AGBL4: variants seen among roughly 807,000 people sequenced by gnomAD.
AGBL4 encodes cytosolic carboxypeptidase 6.
Under a neutral mutation model 66.4 loss-of-function variants are expected in AGBL4, and 58 were observed. That is an observed-to-expected ratio of 0.87 (90% CI 0.71 to 1.09). The LOEUF is 1.09. Among genes scored for constraint, AGBL4 ranks in the 50% least tolerant of loss-of-function variants. The probability of loss-of-function intolerance (pLI) is 0.00; values close to 1 mark genes in which losing one functional copy is unlikely to be tolerated. For missense variants in AGBL4, 579 were observed against 631.0 expected, an observed-to-expected ratio of 0.92 and a Z score of 0.88; for synonymous variants, 234 against 222.9, an observed-to-expected ratio of 1.05 and a Z score of -0.44.
At chr1:49,326,773 A>AAATACC (rs905219356) in intron 3 of AGBL4, among the ~76,000 whole-genome samples, 1 of 152,192 alleles carries the variant, frequency 6.6e-6, no homozygotes, top group Non-Finnish European at 1.5e-5. Flanking sequence ...TTACTGGAAA[A>AAATACC]AATACCACTG....
rs185166869 is a variant in AGBL4 at position 49,726,020 on chromosome 1, T to G, written c.158-28583A>C. Reference sequence around the variant, plus strand: ...AGAGTTTCAGATCTTAAGTGGCTTATAGTCTGAGGGCTGGTGGGGGTTGAG... The same window carrying G: ...AGAGTTTCAGATCTTAAGTGGCTTAGAGTCTGAGGGCTGGTGGGGGTTGAG... On this transcript the variant is annotated intron_variant, in intron 2 of 13. Coordinates refer to ENST00000371839, the MANE Select transcript of AGBL4 (RefSeq NM_032785.4). Among the ~76,000 whole-genome samples, 32 of 152,274 alleles carry G rather than the reference T, an allele frequency of 2.1e-4. No individual in the cohort carries two copies. In the East Asian group the frequency reaches 6.0e-3, roughly 28 times the overall value.
chr1:49,519,177 AC>A (rs1431465748), intron 3 of AGBL4, among the ~76,000 whole-genome samples: 1 of 151,982 alleles, frequency 6.6e-6, no homozygotes, highest in African/African-American at 2.4e-5. Context: ...AGAATACCAA[AC>A]CTGACTTATG....
intron 4 of AGBL4, among the ~76,000 whole-genome samples, chr1:49,137,008 A>G (rs1646025235): frequency 6.6e-6 from 1 of 152,190 alleles, no homozygotes; most frequent in Non-Finnish European, 1.5e-5. Flanking sequence ...TCGTAACATA[A>G]GAAGCAGAGA....
intron 11 of AGBL4, among the ~76,000 whole-genome samples, chr1:48,556,563 G>C (rs933704009): frequency 1.3e-5 from 2 of 152,118 alleles, no homozygotes; most frequent in Admixed American, 1.3e-4. Context: ...TGCCCAAAAG[G>C]CTGTTCCAAA....
chr1:49,016,758 T>G (rs193108308), intron 5 of AGBL4, among the ~76,000 whole-genome samples: 1 of 152,350 alleles, frequency 6.6e-6, no homozygotes, highest in African/African-American at 2.4e-5. Flanking sequence ...CAGCTGTTAC[T>G]ACCAGGCTCA....
chr1:48,690,103 C>CCAT (rs1646605693), intron 6 of AGBL4, among the ~76,000 whole-genome samples: 1 of 152,214 alleles, frequency 6.6e-6, no homozygotes, highest in Non-Finnish European at 1.5e-5. Context: ...GCCATGGAGC[C>CCAT]CATCACATGG....
chr1:49,653,830 G>A (rs986159946), intron 3 of AGBL4, among the ~76,000 whole-genome samples: 7 of 151,620 alleles, frequency 4.6e-5, no homozygotes, highest in South Asian at 2.1e-4. Flanking sequence ...TATATAAAAA[G>A]ACTGAACGTA....
chr1:48,906,577 G>A (rs930418436), intron 5 of AGBL4, among the ~76,000 whole-genome samples: 3 of 152,128 alleles, frequency 2.0e-5, no homozygotes, highest in Non-Finnish European at 2.9e-5. Context: ...CCAGGTCAGA[G>A]GAACAAATGG....
chr1:49,065,903 C>A (rs993318243), intron 4 of AGBL4, among the ~76,000 whole-genome samples: 1 of 152,078 alleles, frequency 6.6e-6, no homozygotes, highest in Admixed American at 6.5e-5. Context: ...TTGGGGAGAA[C>A]ACGGGGAAAG....
intron 6 of AGBL4, among the ~76,000 whole-genome samples, chr1:48,832,642 A>G (rs2148785720): frequency 6.6e-6 from 1 of 152,216 alleles, no homozygotes. Context: ...GAGTGCCCAG[A>G]TATTTGCTTG....
At chr1:49,261,257 G>T (rs1653130153) in intron 3 of AGBL4, among the ~76,000 whole-genome samples, 1 of 151,866 alleles carries the variant, frequency 6.6e-6, no homozygotes. Context: ...ACAAGACAGG[G>T]ATGCCCTCTC....
chr1:48,973,040 T>TAGTGTGTGAA (rs1224189018), intron 5 of AGBL4, among the ~76,000 whole-genome samples: 1 of 152,180 alleles, frequency 6.6e-6, no homozygotes, highest in East Asian at 1.9e-4. Context: ...CCGTAGTGTG[T>TAGTGTGTGAA]AGTGTGTGCA....
intron 2 of AGBL4, among the ~76,000 whole-genome samples, chr1:49,820,316 C>T (rs185435521): frequency 4.1e-4 from 63 of 152,216 alleles, no homozygotes; most frequent in Admixed American, 7.2e-4. Flanking sequence ...AGTGTATAAA[C>T]GAGGACCCAC....
chr1:49,919,044 T>TA (rs1482826611), intron 1 of AGBL4, among the ~76,000 whole-genome samples: 3 of 152,168 alleles, frequency 2.0e-5, no homozygotes, highest in African/African-American at 7.2e-5. Flanking sequence ...CCCTTCATGC[T>TA]AAAAAACTCT....
At chr1:49,400,393 G>C (rs574144461) in intron 3 of AGBL4, among the ~76,000 whole-genome samples, 77 of 78,554 alleles carry the variant, frequency 9.8e-4, no homozygotes, top group Non-Finnish European at 1.2e-3. Context: ...TACATTTTAG[G>C]AATTTTTTTT....
At chr1:49,359,656 G>T (rs1316589059) in intron 3 of AGBL4, among the ~76,000 whole-genome samples, 1 of 152,102 alleles carries the variant, frequency 6.6e-6, no homozygotes, top group Non-Finnish European at 1.5e-5. Context: ...GAACACTGTA[G>T]GCAAAAGCTG....
chr1:49,732,677 G>A (rs1431730570), intron 2 of AGBL4, among the ~76,000 whole-genome samples: 1 of 152,026 alleles, frequency 6.6e-6, no homozygotes, highest in Non-Finnish European at 1.5e-5. Context: ...TGAGGTGACA[G>A]AAGAAAAATC....
At chr1:49,296,149 C>T (rs2148435565) in intron 3 of AGBL4, among the ~76,000 whole-genome samples, 1 of 152,304 alleles carries the variant, frequency 6.6e-6, no homozygotes, top group African/African-American at 2.4e-5. Flanking sequence ...TACATGATAG[C>T]TAATGCCTAC....
intron 3 of AGBL4, among the ~76,000 whole-genome samples, chr1:49,419,476 C>T (rs1645496670): frequency 1.3e-5 from 2 of 152,156 alleles, no homozygotes; most frequent in African/African-American, 4.8e-5. Context: ...CTTTTCATGA[C>T]TTCCTTAGCC....
Sources: allele counts gnomAD v4.1 joint callset (sites outside exome capture counted in the v4.1 genomes callset), GRCh38; gene constraint gnomAD v4.1.1; transcripts MANE v1.5; gene names NCBI Gene and HGNC (gene_info 2026-07-23, HGNC 2026-07-21).